Variants in TNNI3K observed in about 807,000 individuals in gnomAD.
TNNI3K encodes the protein TNNI3 interacting kinase.
A neutral mutation model predicts 114.5 loss-of-function variants in TNNI3K; 140 were observed. The ratio of observed to expected loss-of-function variants is 1.22; its 90% CI spans 1.07 to 1.41. TNNI3K has a LOEUF of 1.41. Ranked by LOEUF, TNNI3K falls within the 40% of genes most tolerant of loss-of-function variation. The pLI, the probability that TNNI3K is intolerant of heterozygous loss-of-function variation, is 0.00. For synonymous variants in TNNI3K, 347 were observed against 347.5 expected (o/e 1.00, Z 0.02); for missense variants, 1,125 against 1,007.6 (o/e 1.12, Z -1.58).
intron 17 of TNNI3K, among the ~76,000 whole-genome samples, chr1:74,402,559 T>G (rs1664419968): frequency 6.6e-6 from 1 of 152,260 alleles, no homozygotes; most frequent in African/African-American, 2.4e-5. Flanking sequence ...ACTTGCCTAT[T>G]TTTAACTCTA....
At chr1:74,525,971 C>G (rs1646499542) in intron 23 of TNNI3K, among the ~76,000 whole-genome samples, 1 of 152,166 alleles carries the variant, frequency 6.6e-6, no homozygotes, top group Non-Finnish European at 1.5e-5. Flanking sequence ...GCAAAGAATA[C>G]ACAGAGGAGG....
At chr1:74,480,360 T>G (rs1668424783) in intron 21 of TNNI3K, 1 of 717,612 alleles carries the variant, frequency 1.4e-6, no homozygotes, top group African/African-American at 1.7e-5. Flanking sequence ...GAAGACTTAA[T>G]GTAGTTTCTT....
intron 4 of TNNI3K, among the ~76,000 whole-genome samples, chr1:74,253,555 C>G (rs1274781212): frequency 2.0e-5 from 3 of 152,174 alleles, no homozygotes; most frequent in Non-Finnish European, 4.4e-5. Context: ...GCTGGGGGAC[C>G]CGGAGCACCC....
intron 6 of TNNI3K, among the ~76,000 whole-genome samples, chr1:74,335,411 T>G (rs1570479543): frequency 6.6e-6 from 1 of 152,200 alleles, no homozygotes; most frequent in South Asian, 2.1e-4. Flanking sequence ...TCATTTCAAC[T>G]ATTACCACTT....
At chr1:74,305,127 G>T (rs72966139) in intron 5 of TNNI3K, among the ~76,000 whole-genome samples, 2,250 of 152,226 alleles carry the variant, frequency 0.015, 51 homozygotes, top group African/African-American at 0.052. Flanking sequence ...CATAGGGAGA[G>T]GAGTTACAAG....
At chr1:74,283,708 A>G (rs1024362551) in intron 5 of TNNI3K, among the ~76,000 whole-genome samples, 2 of 152,138 alleles carry the variant, frequency 1.3e-5, no homozygotes, top group African/African-American at 4.8e-5. Flanking sequence ...TTGCATCCTT[A>G]TGTCAATCTT....
At chr1:74,320,838 G>T (rs931938137) in intron 5 of TNNI3K, among the ~76,000 whole-genome samples, 1 of 152,028 alleles carries the variant, frequency 6.6e-6, no homozygotes, top group Admixed American at 6.6e-5. Context: ...AAATACTTTT[G>T]GCAGAAGATA....
intron 22 of TNNI3K, among the ~76,000 whole-genome samples, chr1:74,490,648 G>A (rs1279620954): frequency 6.6e-6 from 1 of 152,194 alleles, no homozygotes; most frequent in East Asian, 1.9e-4. Context: ...GCCTAAAGAG[G>A]CTTGACTTGC....
At position 74,310,245 on chromosome 1, in the gene TNNI3K, C is replaced by A. The variant is rs376850049; in HGVS notation, c.445-21205C>A. Among the ~76,000 whole-genome samples the A allele has an allele frequency of 2.6e-3, 394 of 152,196 alleles. 3 individuals are homozygous for A. Among genetic ancestry groups the A allele is most frequent in the South Asian group, 0.025 (120 of 4,820 alleles). On this transcript the variant is annotated intron_variant, in intron 5 of 24. Transcript: ENST00000326637. ...CAAAATAAATACATAAATAAAACAC[C>A]TAGGAGTACATCTAACCAAGAAGGT...
chr1:74,443,322 G>T (rs944944358), intron 20 of TNNI3K, among the ~76,000 whole-genome samples: 16 of 152,164 alleles, frequency 1.1e-4, no homozygotes, highest in Middle Eastern at 3.4e-3. Flanking sequence ...AAATGATAAA[G>T]AGGATATAAT....
intron 17 of TNNI3K, among the ~76,000 whole-genome samples, chr1:74,389,462 G>A (rs1418283236): frequency 6.6e-6 from 1 of 152,146 alleles, no homozygotes; most frequent in Non-Finnish European, 1.5e-5. Flanking sequence ...GAGGGCATTT[G>A]GAAATTTCAT....
At chr1:74,257,214 A>G (rs964436904) in intron 4 of TNNI3K, among the ~76,000 whole-genome samples, 2 of 152,250 alleles carry the variant, frequency 1.3e-5, no homozygotes. Context: ...TTTCCGTTCT[A>G]GGATTTTTAT....
rs192973746 is a variant in TNNI3K at position 74,263,505 on chromosome 1, T to C, written c.334-8093T>C. 2.0e-3 allele frequency among the ~76,000 whole-genome samples: 303 copies of C among 152,106 alleles called. 4 individuals carry two copies. The highest frequency in any genetic ancestry group is 3.9e-3 in the Admixed American group (59 of 15,254). ...TGGTAACTGGGGGGAAGAAAAGTGT[T>C]TCAAAGGAGGTAGGATGAGGTTGAC... On this transcript the variant is annotated intron_variant, in intron 4 of 24. Transcript: ENST00000326637.
intron 5 of TNNI3K, among the ~76,000 whole-genome samples, chr1:74,293,237 C>T (rs539629073): frequency 6.6e-6 from 1 of 151,688 alleles, no homozygotes; most frequent in South Asian, 2.1e-4. Flanking sequence ...TCCATTTGCT[C>T]CATCTTGTCT....
chr1:74,290,267 A>G (rs975033360), intron 5 of TNNI3K, among the ~76,000 whole-genome samples: 1 of 151,452 alleles, frequency 6.6e-6, no homozygotes, highest in Non-Finnish European at 1.5e-5. Flanking sequence ...TTGTTGAAAT[A>G]ATGCCTAATT....
intron 11 of TNNI3K, among the ~76,000 whole-genome samples, chr1:74,356,303 T>C (rs1661651881): frequency 6.6e-6 from 1 of 152,200 alleles, no homozygotes; most frequent in Non-Finnish European, 1.5e-5. Flanking sequence ...TAATTTTCAA[T>C]TTGGGGCTAT....
intron 17 of TNNI3K, among the ~76,000 whole-genome samples, chr1:74,435,608 A>G (rs1666086082): frequency 6.6e-6 from 1 of 152,044 alleles, no homozygotes; most frequent in Admixed American, 6.6e-5. Context: ...TCTAGAATGT[A>G]TTGATCATGG....
chr1:74,531,086 T>C (rs1298126237), intron 23 of TNNI3K, among the ~76,000 whole-genome samples: 3 of 152,214 alleles, frequency 2.0e-5, no homozygotes, highest in Non-Finnish European at 2.9e-5. Flanking sequence ...ATGACCTGGT[T>C]GCCAAGTCTT....
intron 20 of TNNI3K, among the ~76,000 whole-genome samples, chr1:74,446,693 A>C (rs1426543816): frequency 6.9e-6 from 1 of 145,950 alleles, no homozygotes; most frequent in Non-Finnish European, 1.5e-5. Flanking sequence ...TTAAATCTTT[A>C]ATCCATCTTG....
Sources: allele counts gnomAD v4.1 joint callset (sites outside exome capture counted in the v4.1 genomes callset), GRCh38; gene constraint gnomAD v4.1.1; transcripts MANE v1.5; gene names NCBI Gene and HGNC (gene_info 2026-07-23, HGNC 2026-07-21).